Variants in TNS1 observed in about 807,000 individuals in gnomAD.
TNS1 encodes the protein tensin-1.
A neutral mutation model predicts 168.6 loss-of-function variants in TNS1; 62 were observed. That is an observed-to-expected ratio of 0.37 (90% CI 0.30 to 0.45). The LOEUF (loss-of-function observed/expected upper bound fraction) is 0.45. Ranked by LOEUF, TNS1 falls within the 20% of genes least tolerant of loss-of-function variation. TNS1 has a pLI of 1.00. For missense variants in TNS1, 2,240 were observed against 2,339.4 expected, an observed-to-expected ratio of 0.96 and a Z score of 0.88; for synonymous variants, 934 against 933.2, an observed-to-expected ratio of 1.00 and a Z score of -0.02.
chr2:217,950,833 T>C (rs1337946025), intron 3 of TNS1, among the ~76,000 whole-genome samples: 1 of 151,692 alleles, frequency 6.6e-6, no homozygotes, highest in Non-Finnish European at 1.5e-5. Flanking sequence ...TCCCCTCCCC[T>C]GCTTCAGTTT....
chr2:217,818,243 G>A lies in TNS1; in HGVS notation c.4089C>T (p.Leu1363=). Residue 1363 remains leucine (L), a synonymous_variant, in exon 24 of 33, where the codon CTC becomes CTT. Transcript: ENST00000682258. The part of the protein sequence containing the change: ...HPAGVYQVSG[L]HNKVATTPGS... ...CCGGGGTGGTGGCCACTTTGTTGTG[G>A]AGGCCAGAAACCTGGTAGACCCCTG... 3 of 1,613,958 alleles carry A rather than the reference G, an allele frequency of 1.9e-6. No homozygotes were observed. The highest frequency in any genetic ancestry group is 2.5e-6 in the Non-Finnish European group (3 of 1,179,936).
rs771844409 is a variant in TNS1, at chr2:217,886,601, C to A, written c.912G>T (p.Met304Ile). 1 of 1,603,760 alleles carries A rather than the reference C, an allele frequency of 6.2e-7. No homozygotes were observed. The highest frequency in any genetic ancestry group is 8.5e-7 in the Non-Finnish European group (1 of 1,175,458). ...FSGLLSGSIK[M>I]NNKPLFLHHV... Reference sequence around the variant, plus strand: ...GGTGCAGAAACAAGGGCTTGTTGTTCATTTTGATGGAGCCGGAGAGCAGGC... The same window carrying A: ...GGTGCAGAAACAAGGGCTTGTTGTTAATTTTGATGGAGCCGGAGAGCAGGC... The change falls in exon 13 of 33, where the codon ATG (methionine) becomes ATT (isoleucine). Residue 304 changes from methionine (M) to isoleucine (I), a missense_variant. Around this residue, in one of 2 missense-constraint regions of TNS1, gnomAD observed 2,131 missense variants for 2,171.2 expected, o/e 0.98. Transcript: ENST00000682258.
chr2:217,878,275 G>A (rs536165732), intron 18 of TNS1, among the ~76,000 whole-genome samples: 3 of 152,154 alleles, frequency 2.0e-5, no homozygotes, highest in South Asian at 2.1e-4. Flanking sequence ...CTGTCCATGG[G>A]TGAGAGGTAG....
At chr2:217,877,317 G>A (rs1021580506) in intron 18 of TNS1, among the ~76,000 whole-genome samples, 1 of 152,192 alleles carries the variant, frequency 6.6e-6, no homozygotes, top group Non-Finnish European at 1.5e-5. Context: ...TTATGGGTAT[G>A]GGTTCCGGGG....
intron 3 of TNS1, among the ~76,000 whole-genome samples, chr2:217,963,168 A>G (rs1235708975): frequency 6.6e-6 from 1 of 152,160 alleles, no homozygotes; most frequent in African/African-American, 2.4e-5. Flanking sequence ...GAGGAGTTCA[A>G]CCTGAGAGGT....
chr2:217,913,996 C>T (rs1035097401), intron 4 of TNS1, among the ~76,000 whole-genome samples: 3 of 152,184 alleles, frequency 2.0e-5, no homozygotes, highest in Non-Finnish European at 4.4e-5. Flanking sequence ...TTGCCTGGCC[C>T]TCTTTCAGAC....
At chr2:218,027,810 G>T (rs1395081314) in intron 1 of TNS1, among the ~76,000 whole-genome samples, 3 of 152,172 alleles carry the variant, frequency 2.0e-5, no homozygotes, top group Non-Finnish European at 4.4e-5. Flanking sequence ...GAGCAGACAG[G>T]TGAGGATTCA....
intron 18 of TNS1, among the ~76,000 whole-genome samples, chr2:217,871,529 T>C (rs1949774918): frequency 6.6e-6 from 1 of 152,238 alleles, no homozygotes; most frequent in East Asian, 1.9e-4. Flanking sequence ...CCTGCAATCC[T>C]GTACTCCCCT....
chr2:217,908,030 C>G (rs1953916554), intron 4 of TNS1, among the ~76,000 whole-genome samples: 1 of 152,172 alleles, frequency 6.6e-6, no homozygotes, highest in Non-Finnish European at 1.5e-5. Context: ...TATGAATAAT[C>G]TCATCATGGG....
chr2:217,819,578 AAGGTTCCC>A (rs1942490859), intron 23 of TNS1, among the ~76,000 whole-genome samples: 1 of 152,182 alleles, frequency 6.6e-6, no homozygotes, highest in South Asian at 2.1e-4. Flanking sequence ...GCCACAGTCA[AAGGTTCCC>A]TTGTAAAGTT....
upstream of TNS1, among the ~76,000 whole-genome samples, chr2:218,013,849 G>T (rs1009123703): frequency 1.3e-5 from 2 of 151,676 alleles, no homozygotes; most frequent in Admixed American, 6.6e-5. Context: ...GCAGGCCAGG[G>T]AGGAGGCTCC....
At chr2:217,839,062 GTACA>G (rs796404988) in intron 19 of TNS1, among the ~76,000 whole-genome samples, 141 of 143,514 alleles carry the variant, frequency 9.8e-4, no homozygotes, top group African/African-American at 3.7e-3. Context: ...ATGCTTGCAT[GTACA>G]TACACACACA....
At chr2:217,922,844 G>A (rs983072906) in intron 3 of TNS1, among the ~76,000 whole-genome samples, 4 of 152,332 alleles carry the variant, frequency 2.6e-5, no homozygotes, top group East Asian at 1.9e-4. Context: ...CCCCGACGGC[G>A]TCCTCCATCC....
Position 217,920,178 on chromosome 2 carries a change from GA to G in TNS1, c.228+16del, listed in dbSNP as rs777965488. On this transcript the variant is annotated intron_variant, in intron 4 of 32. Transcript: ENST00000682258. ...GAGGAGGCAGGGCTTGCAGGGCAAG[GA>G]AGGGCTGTCACTCACCACCAGCTCA... 1 of 703,022 alleles carries G rather than the reference GA, an allele frequency of 1.4e-6. No individual in the cohort carries two copies. The highest frequency in any genetic ancestry group is 1.5e-5 in the South Asian group (1 of 67,592). 43.5% of individuals were successfully genotyped at this position (703,022 alleles called of 1,614,324 possible).
intron 18 of TNS1, among the ~76,000 whole-genome samples, chr2:217,877,506 C>T (rs577037952): frequency 3.1e-4 from 47 of 152,300 alleles, no homozygotes; most frequent in Middle Eastern, 3.4e-3. Flanking sequence ...GCCCATACTT[C>T]GGGGTTTCCT....
upstream of TNS1, among the ~76,000 whole-genome samples, chr2:218,005,071 C>T (rs1260134570): frequency 6.6e-6 from 1 of 152,092 alleles, no homozygotes; most frequent in Non-Finnish European, 1.5e-5. Context: ...TGCCAGGCTG[C>T]CCTTGTCCCC....
intron 1 of TNS1, among the ~76,000 whole-genome samples, chr2:218,024,155 T>A (rs1958832992): frequency 6.6e-6 from 1 of 152,038 alleles, no homozygotes; most frequent in African/African-American, 2.4e-5. Context: ...GGCACCCCAC[T>A]AAGAGGTGGT....
chr2:217,997,788 A>T (rs963007523), intron 1 of TNS1, among the ~76,000 whole-genome samples: 2 of 152,350 alleles, frequency 1.3e-5, no homozygotes, highest in African/African-American at 4.8e-5. Flanking sequence ...GGCCTGGCGC[A>T]TGGTGAGCGC....
chr2:217,954,530 C>A (rs760636078), intron 3 of TNS1, among the ~76,000 whole-genome samples: 1 of 152,142 alleles, frequency 6.6e-6, no homozygotes, highest in African/African-American at 2.4e-5. Flanking sequence ...AACAGGAAAC[C>A]GAGCTTTGAA....
Sources: gnomAD v4.1 joint callset for allele counts (sites outside exome capture counted in the v4.1 genomes callset) on GRCh38, gnomAD v4.1.1 for gene constraint, gnomAD v4.1.1 regional missense constraint, MANE v1.5 for transcripts, NCBI Gene and HGNC (gene_info 2026-07-23, HGNC 2026-07-21) for gene names.